CLEC14A: variants seen among roughly 807,000 people sequenced by gnomAD.
The protein encoded by CLEC14A is C-type lectin domain family 14 member A.
For synonymous variants in CLEC14A, 349 were observed against 292.0 expected (o/e 1.20, Z -1.99); for missense variants, 682 against 659.9 (o/e 1.03, Z -0.37).
Position 38,254,941 on chromosome 14 carries a change from G to A in CLEC14A, c.1082C>T (p.Ser361Phe). The A allele has an allele frequency of 6.2e-7, 1 of 1,614,200 alleles. No homozygotes were observed. The highest frequency in any genetic ancestry group is 2.2e-5 in the East Asian group (1 of 44,866). The change falls in exon 1 of 1, where the codon TCC becomes TTC. Residue 361 changes from serine (S) to phenylalanine (F), a missense_variant. Ser to Phe is a radical substitution (Grantham distance 155, BLOSUM62 -2). Coordinates refer to ENST00000342213, the MANE Select transcript of CLEC14A (RefSeq NM_175060.3). ...AGTGGCCTTTGACTCGGCTTGAAGG[G>A]ACATTTGAAGGGTAGACATCGTGCT... ...SQSTMSTLQM[S>F]LQAESKATIT...
chr14:38,255,471 G>C lies in CLEC14A; in HGVS notation c.552C>G (p.Pro184=), dbSNP rs1276812864. The part of the protein sequence containing the change: ...QFEVLCPAPR[P]GAASNLSYRA... ...GATAGCTCAAGTTAGAGGCGGCCCC[G>C]GGGCGCGGCGCAGGACACAAGACCT... is the stretch of plus-strand genomic sequence containing the variant. The change falls in exon 1 of 1, where the codon CCC becomes CCG. Residue 184 remains proline (P), a synonymous_variant. Coordinates refer to ENST00000342213, the MANE Select transcript of CLEC14A (RefSeq NM_175060.3). This position sits in a 1 kb window ranked among gnomAD's most constrained non-coding sequence, Gnocchi z 5.1. 6.2e-7 allele frequency: 1 copy of C among 1,613,110 alleles called. No individual in the cohort carries two copies. The highest frequency in any genetic ancestry group is 8.5e-7 in the Non-Finnish European group (1 of 1,179,994).
At position 38,255,836 on chromosome 14, in the gene CLEC14A, T is replaced by C. The variant is rs1884045488; in HGVS notation, c.187A>G (p.Thr63Ala). 6.5e-7 allele frequency: 1 copy of C among 1,545,668 alleles called. No homozygotes were observed. The highest frequency in any genetic ancestry group is 1.9e-4 in the Middle Eastern group (1 of 5,234). ...ACILRGGALS[T>A]VRAGAELRAV... Reference sequence around the variant, plus strand: ...CGCAGCTCGGCGCCCGCACGCACGGTGCTGAGCGCCCCACCTCGCAGGATG... The same window carrying C: ...CGCAGCTCGGCGCCCGCACGCACGGCGCTGAGCGCCCCACCTCGCAGGATG... Residue 63 changes from threonine (T) to alanine (A), a missense_variant, in exon 1 of 1, where the codon ACC becomes GCC. Coordinates refer to ENST00000342213, the MANE Select transcript of CLEC14A (RefSeq NM_175060.3). The surrounding 1 kb of genome is among the most constrained non-coding windows in gnomAD (Gnocchi z 5.1).
Position 38,255,360 on chromosome 14 carries a change from C to A in CLEC14A, c.663G>T (p.Pro221=), listed in dbSNP as rs1260533275. The change falls in exon 1 of 1, where the codon CCG becomes CCT. Residue 221 remains proline (P), a synonymous_variant. Coordinates refer to ENST00000342213, the MANE Select transcript of CLEC14A (RefSeq NM_175060.3). The surrounding 1 kb of genome is among the most constrained non-coding windows in gnomAD (Gnocchi z 5.1). ...EVSALCRGQL[P]ISVTCIADEI... ...CGTCCGCGATGCAAGTAACTGAGAT[C>A]GGGAGCTGTCCCCGGCAGAGCGCAC... 5 of 1,613,428 alleles carry A rather than the reference C, an allele frequency of 3.1e-6. No individual in the cohort carries two copies. Among genetic ancestry groups the A allele is most frequent in the African/African-American group, 1.3e-5 (1 of 74,924 alleles).
chr14:38,255,370 C>T lies in CLEC14A; in HGVS notation c.653G>A (p.Gly218Glu), dbSNP rs1884026680. 4 of 1,613,516 alleles carry T rather than the reference C, an allele frequency of 2.5e-6. No individual in the cohort carries two copies. Among genetic ancestry groups the T allele is most frequent in the Non-Finnish European group, 3.4e-6 (4 of 1,180,034 alleles). ...GCAAGTAACTGAGATCGGGAGCTGT[C>T]CCCGGCAGAGCGCACTCACCTCGGT... Reference protein sequence around the residue: ...PGTEVSALCRGQLPISVTCIA... With the variant: ...PGTEVSALCREQLPISVTCIA... Residue 218 changes from glycine (G) to glutamate (E), a missense_variant, in exon 1 of 1, where the codon GGA becomes GAA. Coordinates refer to ENST00000342213, the MANE Select transcript of CLEC14A (RefSeq NM_175060.3). This position sits in a 1 kb window ranked among gnomAD's most constrained non-coding sequence, Gnocchi z 5.1.
chr14:38,255,686 A>T lies in CLEC14A; in HGVS notation c.337T>A (p.Phe113Ile). ...CTLENEPLRG[F>I]SWLSSDPGGL... ...CCGGGGTCGGAGGACAGCCAGGAGAAACCCCGCAAAGGCTCGTTCTCCAGG... is the reference window on the plus strand; with the variant it reads ...CCGGGGTCGGAGGACAGCCAGGAGATACCCCGCAAAGGCTCGTTCTCCAGG... Residue 113 changes from phenylalanine (F) to isoleucine (I), a missense_variant, in exon 1 of 1, where the codon TTC (phenylalanine) becomes ATC (isoleucine). By Grantham distance (21) the Phe-to-Ile change is conservative. Coordinates refer to ENST00000342213, the MANE Select transcript of CLEC14A (RefSeq NM_175060.3). This position sits in a 1 kb window ranked among gnomAD's most constrained non-coding sequence, Gnocchi z 5.1. The T allele has an allele frequency of 1.3e-6, 2 of 1,590,242 alleles. No individual in the cohort carries two copies.
In CLEC14A at chr14:38,255,774, G is replaced by C. The variant is rs550774538; in HGVS notation, c.249C>G (p.Pro83=). 55 of 1,544,286 alleles carry C rather than the reference G, an allele frequency of 3.6e-5. No individual in the cohort carries two copies. In the Middle Eastern group the frequency reaches 9.0e-4, roughly 25 times the overall value. ...ACAGCAGGTCTTTGGAGCCCCCTCC[G>C]GGCCCTGGGCCTGCCCGCAGGAGCG... is the stretch of plus-strand genomic sequence containing the variant. ...VLALLRAGPG[P]GGGSKDLLFW... is the part of the protein sequence containing the mutation. Residue 83 remains proline, a synonymous_variant, in exon 1 of 1, where the codon CCC becomes CCG. Transcript: ENST00000342213. The surrounding 1 kb of genome is among the most constrained non-coding windows in gnomAD (Gnocchi z 5.1).
Position 38,255,189 on chromosome 14 carries a change from C to T in CLEC14A, c.834G>A (p.Glu278=). 6.2e-7 allele frequency: 1 copy of T among 1,613,854 alleles called. No homozygotes were observed. Among genetic ancestry groups the T allele is most frequent in the Non-Finnish European group, 8.5e-7 (1 of 1,180,034 alleles). Residue 278 remains glutamate (E), a synonymous_variant, in exon 1 of 1, where the codon GAG becomes GAA. Transcript: ENST00000342213. The surrounding 1 kb of genome is among the most constrained non-coding windows in gnomAD (Gnocchi z 5.1). The part of the protein sequence containing the change: ...GFACECATGF[E]LGKDGRSCVT... ...CACAAGAGCGGCCGTCCTTCCCCAG[C>T]TCGAAGCCCGTAGCACATTCGCAGG...
chr14:38,254,838 G>C lies in CLEC14A; in HGVS notation c.1185C>G (p.Ser395=). 2 of 1,606,934 alleles carry C rather than the reference G, an allele frequency of 1.2e-6. No homozygotes were observed. The highest frequency in any genetic ancestry group is 1.7e-6 in the Non-Finnish European group (2 of 1,173,594). The change falls in exon 1 of 1, where the codon TCC becomes TCG. Residue 395 remains serine, a synonymous_variant. Coordinates refer to ENST00000342213, the MANE Select transcript of CLEC14A (RefSeq NM_175060.3). ...SSATPQAFDS[S]SAVVFIFVST... Reference sequence around the variant, plus strand: ...TCACAAATATGAAGACCACGGCAGAGGAGGAGTCGAAAGCCTGAGGAGTGG... The same window carrying C: ...TCACAAATATGAAGACCACGGCAGACGAGGAGTCGAAAGCCTGAGGAGTGG...
chr14:38,256,004 G>T lies in CLEC14A; in HGVS notation c.19C>A (p.Leu7Met). The stretch of plus-strand genomic sequence containing the variant: ...CAGAGCGCCTGCCAGAGGAGGCACA[G>T]GGCGAACGCCGGCCTCATTCTCTGA... MRPAFA[L>M]CLLWQALWPG... The change falls in exon 1 of 1, where the codon CTG (leucine) becomes ATG (methionine). Residue 7 changes from leucine (L) to methionine (M), a missense_variant. Coordinates refer to ENST00000342213, the MANE Select transcript of CLEC14A (RefSeq NM_175060.3). 6.5e-7 allele frequency: 1 copy of T among 1,532,060 alleles called. No individual in the cohort carries two copies. Among genetic ancestry groups the T allele is most frequent in the Non-Finnish European group, 8.8e-7 (1 of 1,139,996 alleles). 94.9% of individuals were successfully genotyped at this position (1,532,060 alleles called of 1,614,324 possible).
Position 38,255,019 on chromosome 14 carries a change from T to C in CLEC14A, c.1004A>G (p.Glu335Gly), listed in dbSNP as rs1884014592. 6.2e-7 allele frequency: 1 copy of C among 1,613,878 alleles called. No homozygotes were observed. Among genetic ancestry groups the C allele is most frequent in the Admixed American group, 1.7e-5 (1 of 60,002 alleles). Residue 335 changes from glutamate to glycine, a missense_variant, in exon 1 of 1, where the codon GAA (glutamate) becomes GGA (glycine). Glu to Gly is a moderately conservative substitution (Grantham distance 98). Transcript: ENST00000342213. This position sits in a 1 kb window ranked among gnomAD's most constrained non-coding sequence, Gnocchi z 5.1. ...EKLGETPLVP[E>G]QDNSVTSIPE... ...AATAGATGTTACTGAATTGTCTTGT[T>C]CAGGGACAAGTGGTGTCTCTCCCAG...
Position 38,255,110 on chromosome 14 carries a change from G to T in CLEC14A, c.913C>A (p.Arg305Ser), listed in dbSNP as rs777358442. 3 of 1,612,234 alleles carry T rather than the reference G, an allele frequency of 1.9e-6. No individual in the cohort carries two copies. Among genetic ancestry groups the T allele is most frequent in the Non-Finnish European group, 2.5e-6 (3 of 1,179,996 alleles). Residue 305 changes from arginine to serine, a missense_variant, in exon 1 of 1, where the codon CGC becomes AGC. By Grantham distance (110) the Arg-to-Ser change is moderately radical (BLOSUM62 -1). Coordinates refer to ENST00000342213, the MANE Select transcript of CLEC14A (RefSeq NM_175060.3). This position sits in a 1 kb window ranked among gnomAD's most constrained non-coding sequence, Gnocchi z 5.1. Reference sequence around the variant, plus strand: ...GGGCTGGTTGCAGTGGCCGGCGGGCGCCTGGTGGGCACCCCGGTCCCCCCA... The same window carrying T: ...GGGCTGGTTGCAGTGGCCGGCGGGCTCCTGGTGGGCACCCCGGTCCCCCCA... ...TLGGTGVPTR[R>S]PPATATSPVP...
In CLEC14A at chr14:38,255,278, T is replaced by C. The variant is rs200597035; in HGVS notation, c.745A>G (p.Arg249Gly). 16 of 1,613,708 alleles carry C rather than the reference T, an allele frequency of 9.9e-6. No homozygotes were observed. The highest frequency in any genetic ancestry group is 1.4e-5 in the Non-Finnish European group (16 of 1,180,028). ...SGDVLCPCPG[R>G]YLRAGKCAEL... The stretch of plus-strand genomic sequence containing the variant: ...GCGCATTTGCCAGCACGGAGGTACC[T>C]CCCGGGGCAGGGACACAACACATCG... The change falls in exon 1 of 1, where the codon AGG becomes GGG. Residue 249 changes from arginine to glycine, a missense_variant. Arg to Gly is a moderately radical substitution (Grantham distance 125). Coordinates refer to ENST00000342213, the MANE Select transcript of CLEC14A (RefSeq NM_175060.3). The surrounding 1 kb of genome is among the most constrained non-coding windows in gnomAD (Gnocchi z 5.1).
rs888925775 is a variant in CLEC14A, at chr14:38,255,643, G to A, written c.380C>T (p.Thr127Met). The A allele has an allele frequency of 7.5e-6, 12 of 1,607,902 alleles. No individual in the cohort carries two copies. The highest frequency in any genetic ancestry group is 1.0e-5 in the Non-Finnish European group (12 of 1,179,360). The change falls in exon 1 of 1, where the codon ACG becomes ATG. Residue 127 changes from threonine to methionine, a missense_variant. By Grantham distance (81) the Thr-to-Met change is moderately conservative. Transcript: ENST00000342213. This position sits in a 1 kb window ranked among gnomAD's most constrained non-coding sequence, Gnocchi z 5.1. Reference protein sequence around the residue: ...SSDPGGLESDTLQWVEEPQRS... With the variant: ...SSDPGGLESDMLQWVEEPQRS... ...TTGGGGCTCCTCCACCCACTGCAGC[G>A]TGTCGCTTTCGAGACCGCCGGGGTC...
Position 38,254,145 on chromosome 14 carries a change from T to C in CLEC14A, c.*405A>G, listed in dbSNP as rs1298340501. Reference sequence around the variant, plus strand: ...CTTTAATTTTTTATTTTTATTTTTTTCCCTGGGATTTCGAACCAATATACT... The same window carrying C: ...CTTTAATTTTTTATTTTTATTTTTTCCCCTGGGATTTCGAACCAATATACT... On this transcript the variant is annotated 3_prime_UTR_variant, in exon 1 of 1. Transcript: ENST00000342213. The C allele has an allele frequency of 1.9e-5, 3 of 153,994 alleles. No individual in the cohort carries two copies. Among genetic ancestry groups the C allele is most frequent in the African/African-American group, 7.2e-5 (3 of 41,516 alleles). 9.5% of individuals were successfully genotyped at this position (153,994 alleles called of 1,614,324 possible).
In CLEC14A at chr14:38,255,228, G is replaced by A. The variant is rs373687961; in HGVS notation, c.795C>T (p.Asp265=). 10 of 1,613,784 alleles carry A rather than the reference G, an allele frequency of 6.2e-6. No individual in the cohort carries two copies. Among genetic ancestry groups the A allele is most frequent in the Non-Finnish European group, 8.5e-6 (10 of 1,180,040 alleles). The part of the protein sequence containing the change: ...KCAELPNCLD[D]LGGFACECAT... ...CACATTCGCAGGCAAAGCCTCCCAA[G>A]TCGTCTAGGCAGTTAGGGAGCTCTG... The change falls in exon 1 of 1, where the codon GAC becomes GAT. Residue 265 remains aspartate (D), a synonymous_variant. Transcript: ENST00000342213. This position sits in a 1 kb window ranked among gnomAD's most constrained non-coding sequence, Gnocchi z 5.1.
Position 38,255,313 on chromosome 14 carries a change from T to G in CLEC14A, c.710A>C (p.Lys237Thr), listed in dbSNP as rs1328302704. 3 of 1,613,618 alleles carry G rather than the reference T, an allele frequency of 1.9e-6. No individual in the cohort carries two copies. The highest frequency in any genetic ancestry group is 2.5e-6 in the Non-Finnish European group (3 of 1,180,014). ...GGGACACAACACATCGCCCGAGAGTTTGTCCCAGCGAGCGCCGATTTCGTC... is the reference window on the plus strand; with the variant it reads ...GGGACACAACACATCGCCCGAGAGTGTGTCCCAGCGAGCGCCGATTTCGTC... ...IADEIGARWDKLSGDVLCPCP... is the reference protein window; with the variant it reads ...IADEIGARWDTLSGDVLCPCP... The change falls in exon 1 of 1, where the codon AAA becomes ACA. Residue 237 changes from lysine to threonine, a missense_variant. Transcript: ENST00000342213. The surrounding 1 kb of genome is among the most constrained non-coding windows in gnomAD (Gnocchi z 5.1).
rs1221161889 is a variant in CLEC14A at position 38,256,030 on chromosome 14, GGCC to G, written c.-11_-9del. 6.6e-7 allele frequency: 1 copy of G among 1,513,896 alleles called. No individual in the cohort carries two copies. The highest frequency in any genetic ancestry group is 8.8e-7 in the Non-Finnish European group (1 of 1,132,100). 93.8% of individuals were successfully genotyped at this position (1,513,896 alleles called of 1,614,324 possible). A position where few individuals can be genotyped will look rare whatever the true frequency, so the allele number is the denominator to read the frequency against. On this transcript the variant is annotated 5_prime_UTR_variant, in exon 1 of 1. Coordinates refer to ENST00000342213, the MANE Select transcript of CLEC14A (RefSeq NM_175060.3). ...GGCGAACGCCGGCCTCATTCTCTGA[GGCC>G]CCGCACGCAGAGCTGCTCCCAACTT...
Position 38,256,053 on chromosome 14 carries a change from CAACTTGGATCT to C in CLEC14A, c.-42_-32del. 1 of 1,487,736 alleles carries C rather than the reference CAACTTGGATCT, an allele frequency of 6.7e-7. No individual in the cohort carries two copies. The highest frequency in any genetic ancestry group is 8.9e-7 in the Non-Finnish European group (1 of 1,119,616). 92.2% of individuals were successfully genotyped at this position (1,487,736 alleles called of 1,614,324 possible). On this transcript the variant is annotated 5_prime_UTR_variant, in exon 1 of 1. Coordinates refer to ENST00000342213, the MANE Select transcript of CLEC14A (RefSeq NM_175060.3). Reference sequence around the variant, plus strand: ...GAGGCCCCGCACGCAGAGCTGCTCCCAACTTGGATCTGTCCCGCTCGAGGACGCAGAGCTGT... The same window carrying C: ...GAGGCCCCGCACGCAGAGCTGCTCCCGTCCCGCTCGAGGACGCAGAGCTGT...
chr14:38,255,934 C>A lies in CLEC14A; in HGVS notation c.89G>T (p.Gly30Val). 1 of 1,564,908 alleles carries A rather than the reference C, an allele frequency of 6.4e-7. No individual in the cohort carries two copies. Among genetic ancestry groups the A allele is most frequent in the Non-Finnish European group, 8.6e-7 (1 of 1,159,262 alleles). ...GGEHPTADRA[G>V]CSASGACYSL... ...GTAGCAGGCCCCCGAGGCCGAGCAGCCAGCACGGTCGGCAGTGGGGTGTTC... is the reference window on the plus strand; with the variant it reads ...GTAGCAGGCCCCCGAGGCCGAGCAGACAGCACGGTCGGCAGTGGGGTGTTC... Residue 30 changes from glycine to valine, a missense_variant, in exon 1 of 1, where the codon GGC (glycine) becomes GTC (valine). Physicochemically the swap from Gly to Val is moderately radical, Grantham distance 109. Coordinates refer to ENST00000342213, the MANE Select transcript of CLEC14A (RefSeq NM_175060.3). This position sits in a 1 kb window ranked among gnomAD's most constrained non-coding sequence, Gnocchi z 5.1.
Sources: allele counts gnomAD v4.1 joint callset, GRCh38; gene constraint gnomAD v4.1.1; non-coding constraint Gnocchi (gnomAD v3.1); transcripts MANE v1.5; gene names NCBI Gene and HGNC (gene_info 2026-07-23, HGNC 2026-07-21).